The following IPO5 variants were observed in gnomAD, a reference collection of about 807,000 sequenced individuals.
IPO5 encodes importin-5.
In IPO5, 18 loss-of-function variants were observed where a neutral mutation model predicts 143.3. That is an observed-to-expected ratio of 0.13 (90% CI 0.09 to 0.19). The LOEUF (loss-of-function observed/expected upper bound fraction) is 0.19, where lower values mean the gene tolerates loss of function less well. IPO5 is among the 10% of genes least tolerant of loss of function. IPO5 has a pLI of 1.00. For missense variants in IPO5, 1,013 were observed against 1,336.9 expected, an observed-to-expected ratio of 0.76 and a Z score of 3.78; for synonymous variants, 477 against 465.7, an observed-to-expected ratio of 1.02 and a Z score of -0.31.
At chr13:98,018,760 A>G (rs1411249705) in intron 26 of IPO5, 56 bp downstream of exon 26, 2 of 1,307,786 alleles carry the variant, frequency 1.5e-6, no homozygotes, top group Non-Finnish European at 2.2e-6. Context: ...GTGAATCCCT[A>G]CTTTACTCTC....
intron 3 of IPO5, among the ~76,000 whole-genome samples, chr13:97,975,371 A>ATCC (rs1182384084): frequency 2.0e-5 from 3 of 152,106 alleles, no homozygotes; most frequent in Non-Finnish European, 4.4e-5. Context: ...CATGCCTGTA[A>ATCC]TCCCAGGTAT....
Position 98,021,784 on chromosome 13 carries a change from C to A in IPO5, c.3256C>A (p.Gln1086Lys), listed in dbSNP as rs1179653432. 2 of 1,605,046 alleles carry A rather than the reference C, an allele frequency of 1.2e-6. No homozygotes were observed. Among genetic ancestry groups the A allele is most frequent in the African/African-American group, 2.7e-5 (2 of 74,946 alleles). Residue 1086 changes from glutamine (Q) to lysine (K), a missense_variant, in exon 29 of 29, where the codon CAG becomes AAG. Gln to Lys is a moderately conservative substitution (Grantham distance 53, BLOSUM62 1). Coordinates refer to ENST00000651721, the MANE Select transcript of IPO5 (RefSeq NM_002271.6). ...GTGCATAGCACAGCTCAGTCCTGAG[C>A]AGCAGGCCGCCATTCAGGAGCTCCT... is the stretch of plus-strand genomic sequence containing the variant. ...TECIAQLSPE[Q>K]QAAIQELLNS...
rs959637052 is a variant in IPO5 at position 98,022,589 on chromosome 13, T to G, written c.*767T>G. ...TAAAGTAATAGCTATCAGTAATAGC[T>G]GAGTGTTTTTTCCCCTAATATTTTC... On this transcript the variant is annotated 3_prime_UTR_variant, in exon 29 of 29. Coordinates refer to ENST00000651721, the MANE Select transcript of IPO5 (RefSeq NM_002271.6). 6.6e-6 allele frequency: 1 copy of G among 152,268 alleles called. No individual in the cohort carries two copies. The highest frequency in any genetic ancestry group is 2.4e-5 in the African/African-American group (1 of 41,474). 9.4% of individuals were successfully genotyped at this position (152,268 alleles called of 1,614,324 possible). A position where few individuals can be genotyped will look rare whatever the true frequency, so the allele number is the denominator to read the frequency against.
chr13:98,018,791 T>C, intron 26 of IPO5, 87 bp downstream of exon 26: 1 of 917,382 alleles, frequency 1.1e-6, no homozygotes, highest in Non-Finnish European at 1.7e-6. Context: ...TCCCAAACAT[T>C]ATTTGCCTAT....
chr13:98,009,461 G>T (rs1392157930), intron 18 of IPO5, among the ~76,000 whole-genome samples: 14 of 152,234 alleles, frequency 9.2e-5, no homozygotes, highest in Non-Finnish European at 1.5e-5. Flanking sequence ...AATGTTTAAT[G>T]AATGGAGTGG....
At position 97,954,106 on chromosome 13, in the gene IPO5, T is replaced by G; in HGVS notation, c.-192-13T>G. ...TCCTGAAACAGTCAGAAATCAGTTTTTATTTCACTTAGGTGGTTCCGGGGA... is the reference window on the plus strand; with the variant it reads ...TCCTGAAACAGTCAGAAATCAGTTTGTATTTCACTTAGGTGGTTCCGGGGA... On this transcript the variant is annotated splice_polypyrimidine_tract_variant and intron_variant, in intron 1 of 28. Transcript: ENST00000651721. 1 of 283,284 alleles carries G rather than the reference T, an allele frequency of 3.5e-6. No homozygotes were observed. The allele number at this position is 283,284 out of a possible 1,614,324, so 17.5% of individuals were successfully genotyped here. A position where few individuals can be genotyped will look rare whatever the true frequency, so the allele number is the denominator to read the frequency against.
chr13:97,954,729 T>G (rs1387344767), intron 2 of IPO5, among the ~76,000 whole-genome samples: 2 of 152,194 alleles, frequency 1.3e-5, no homozygotes, highest in African/African-American at 4.8e-5. Flanking sequence ...TATAAAGTAT[T>G]AGATACCAGG....
rs141751945 is a variant in IPO5, at chr13:98,019,024, C to T, written c.2836+320C>T. Among the ~76,000 whole-genome samples, 32 of 151,792 alleles carry T rather than the reference C, an allele frequency of 2.1e-4. No individual in the cohort carries two copies. The East Asian group carries it at 2.9e-3, about 14-fold the overall frequency. On this transcript the variant is annotated intron_variant, in intron 26 of 28. Transcript: ENST00000651721. Reference sequence around the variant, plus strand: ...AGGCTGGAGTGCAGTGGCATGATCTCGGCTCACTGCAACCTCCGCCTCCCG... The same window carrying T: ...AGGCTGGAGTGCAGTGGCATGATCTTGGCTCACTGCAACCTCCGCCTCCCG...
At chr13:97,955,836 T>C (rs1884416563) in intron 2 of IPO5, among the ~76,000 whole-genome samples, 1 of 151,934 alleles carries the variant, frequency 6.6e-6, no homozygotes, top group Non-Finnish European at 1.5e-5. Flanking sequence ...AGGTGAAAAA[T>C]AATTCAGCAT....
rs34256210 is a variant in IPO5, at chr13:97,966,133, CAAA to C, written c.-112-3570_-112-3568del. Among the ~76,000 whole-genome samples the C allele has an allele frequency of 0.014, 1,222 of 89,286 alleles. 93 individuals carry two copies. The East Asian group carries it at 0.27, about 20-fold the overall frequency. The allele number at this position is 89,286 out of a possible 152,430, so 58.6% of individuals were successfully genotyped here. ...TGGGTGACAGAGCAAGGCCCCCTCT[CAAA>C]AAAAAAAAAAAAAAAAAAATAGAAC... On this transcript the variant is annotated intron_variant, in intron 2 of 28. Transcript: ENST00000651721.
At chr13:97,999,560 A>T (rs1317938112) in intron 12 of IPO5, among the ~76,000 whole-genome samples, 4 of 152,192 alleles carry the variant, frequency 2.6e-5, no homozygotes, top group Non-Finnish European at 4.4e-5. Flanking sequence ...TTTAAGTCTA[A>T]AAACCTGTTC....
At chr13:97,965,403 T>A (rs1476746251) in intron 2 of IPO5, among the ~76,000 whole-genome samples, 1 of 152,164 alleles carries the variant, frequency 6.6e-6, no homozygotes, top group Admixed American at 6.5e-5. Flanking sequence ...CAATTGGAAT[T>A]TTAATTGGGA....
At chr13:97,981,594 A>G (rs1886852849) in intron 4 of IPO5, among the ~76,000 whole-genome samples, 1 of 152,250 alleles carries the variant, frequency 6.6e-6, no homozygotes, top group Admixed American at 6.5e-5. Context: ...TAAAGAAATC[A>G]ATGTTACCCA....
At chr13:97,997,148 A>G (rs1312352280) in intron 11 of IPO5, among the ~76,000 whole-genome samples, 1 of 152,242 alleles carries the variant, frequency 6.6e-6, no homozygotes, top group Admixed American at 6.5e-5. Context: ...GAAACCATTT[A>G]TTATATAAAA....
At chr13:97,968,145 G>A (rs553712128) in intron 2 of IPO5, among the ~76,000 whole-genome samples, 208 of 152,198 alleles carry the variant, frequency 1.4e-3, no homozygotes, top group African/African-American at 4.9e-3. Flanking sequence ...CTTCTTTGAC[G>A]CACTTGTTAT....
intron 6 of IPO5, chr13:97,988,064 C>T (rs592246): frequency 0.69 from 165,341 of 239,614 alleles, 58,515 homozygotes; most frequent in African/African-American, 0.84. Flanking sequence ...GTTCAAATAT[C>T]GGGGGACGTT....
At position 98,019,637 on chromosome 13, in the gene IPO5, A is replaced by T; in HGVS notation, c.2893A>T (p.Asn965Tyr). 3 of 1,614,196 alleles carry T rather than the reference A, an allele frequency of 1.9e-6. No individual in the cohort carries two copies. Among genetic ancestry groups the T allele is most frequent in the Non-Finnish European group, 2.5e-6 (3 of 1,180,012 alleles). The part of the protein sequence containing the change: ...IQSADSKTKE[N>Y]VNATENCISA... ...GTCTGCGGATTCTAAGACCAAAGAAAATGTCAATGCTACAGAGAACTGCAT... is the reference window on the plus strand; with the variant it reads ...GTCTGCGGATTCTAAGACCAAAGAATATGTCAATGCTACAGAGAACTGCAT... Residue 965 changes from asparagine to tyrosine, a missense_variant, in exon 27 of 29, where the codon AAT (asparagine) becomes TAT (tyrosine). Coordinates refer to ENST00000651721, the MANE Select transcript of IPO5 (RefSeq NM_002271.6).
At chr13:98,011,112 CT>C (rs1328445809) in intron 20 of IPO5, among the ~76,000 whole-genome samples, 2 of 152,012 alleles carry the variant, frequency 1.3e-5, no homozygotes, top group Non-Finnish European at 2.9e-5. Context: ...TAATGTATTT[CT>C]TATTGTCATC....
At chr13:97,973,038 CTTTTT>C (rs34572861) in intron 3 of IPO5, among the ~76,000 whole-genome samples, 2 of 76,368 alleles carry the variant, frequency 2.6e-5, no homozygotes, top group African/African-American at 5.2e-5. Context: ...CTTTTATCTT[CTTTTT>C]TTTTTTTTTT....
Sources: gnomAD v4.1 joint callset for allele counts (sites outside exome capture counted in the v4.1 genomes callset) on GRCh38, gnomAD v4.1.1 for gene constraint, MANE v1.5 for transcripts, NCBI Gene and HGNC (gene_info 2026-07-23, HGNC 2026-07-21) for gene names.